Variants in EXPH5 observed in about 807,000 individuals in gnomAD.
EXPH5 encodes exophilin-5.
Under a neutral mutation model 41.1 loss-of-function variants are expected in EXPH5, and 42 were observed. That is an observed-to-expected ratio of 1.02 (90% CI 0.80 to 1.32). The LOEUF (loss-of-function observed/expected upper bound fraction) is 1.32, where lower values mean the gene tolerates loss of function less well. EXPH5 is among the 40% of genes most tolerant of loss of function. The probability of loss-of-function intolerance (pLI) is 0.00; values close to 1 mark genes in which losing one functional copy is unlikely to be tolerated. For missense variants in EXPH5, 2,298 were observed against 2,314.5 expected (o/e 0.99, Z 0.15); for synonymous variants, 798 against 833.5 (o/e 0.96, Z 0.73).
At chr11:108,520,332 A>G (rs1264242202) in intron 4 of EXPH5, among the ~76,000 whole-genome samples, 1 of 152,144 alleles carries the variant, frequency 6.6e-6, no homozygotes, top group Non-Finnish European at 1.5e-5. Flanking sequence ...GTTCTTTTCC[A>G]CGAAGTGGGT....
chr11:108,563,012 C>T (rs1234363349), intron 1 of EXPH5, among the ~76,000 whole-genome samples: 1 of 151,516 alleles, frequency 6.6e-6, no homozygotes, highest in African/African-American at 2.4e-5. Flanking sequence ...GGAGAACTTG[C>T]TTTGTGGGAT....
chr11:108,546,132 A>G (rs1288459844), intron 1 of EXPH5, among the ~76,000 whole-genome samples: 1 of 151,952 alleles, frequency 6.6e-6, no homozygotes, highest in Admixed American at 6.6e-5. Context: ...GAACAGAAAT[A>G]AGGCCTGTGT....
At chr11:108,563,070 C>T (rs1051001232) in intron 1 of EXPH5, among the ~76,000 whole-genome samples, 2 of 152,118 alleles carry the variant, frequency 1.3e-5, no homozygotes, top group Admixed American at 6.5e-5. Flanking sequence ...GGTTTAAGTC[C>T]CCTTACATGC....
chr11:108,520,828 C>A (rs2093760491), intron 4 of EXPH5, among the ~76,000 whole-genome samples: 1 of 152,196 alleles, frequency 6.6e-6, no homozygotes, highest in Non-Finnish European at 1.5e-5. Flanking sequence ...CTCAGCCCCC[C>A]AAAGTGCTGG....
At position 108,514,524 on chromosome 11, in the gene EXPH5, C is replaced by A. The variant is rs11212684; in HGVS notation, c.983G>T (p.Arg328Leu). The A allele has an allele frequency of 1.2e-6, 2 of 1,612,608 alleles. No homozygotes were observed. Among genetic ancestry groups the A allele is most frequent in the South Asian group, 1.1e-5 (1 of 90,736 alleles). ...STSLCFDSRQRSALPATGHFT... is the reference protein window; with the variant it reads ...STSLCFDSRQLSALPATGHFT... Reference sequence around the variant, plus strand: ...ATGCCCTGTGGCTGGTAAGGCCGACCGTTGCCTGCTGTCAAAACACAGCGA... The same window carrying A: ...ATGCCCTGTGGCTGGTAAGGCCGACAGTTGCCTGCTGTCAAAACACAGCGA... Residue 328 changes from arginine (R) to leucine (L), a missense_variant, in exon 6 of 6, where the codon CGG becomes CTG. Coordinates refer to ENST00000265843, the MANE Select transcript of EXPH5 (RefSeq NM_015065.3).
chr11:108,525,053 C>G (rs1398739756), intron 4 of EXPH5, among the ~76,000 whole-genome samples: 1 of 152,198 alleles, frequency 6.6e-6, no homozygotes, highest in African/African-American at 2.4e-5. Context: ...CTCATGAGAT[C>G]TGATGGTTTT....
intron 1 of EXPH5, among the ~76,000 whole-genome samples, chr11:108,553,424 G>A (rs1591730689): frequency 6.6e-6 from 1 of 152,176 alleles, no homozygotes; most frequent in East Asian, 1.9e-4. Context: ...TGTCCACCCT[G>A]AGGTCAGACT....
chr11:108,553,818 C>T (rs1477862864), intron 1 of EXPH5, among the ~76,000 whole-genome samples: 1 of 152,170 alleles, frequency 6.6e-6, no homozygotes, highest in African/African-American at 2.4e-5. Flanking sequence ...TGATCCTGTA[C>T]ACAAATTAAA....
intron 1 of EXPH5, among the ~76,000 whole-genome samples, chr11:108,582,216 C>T (rs929385772): frequency 6.6e-6 from 1 of 152,120 alleles, no homozygotes; most frequent in African/African-American, 2.4e-5. Context: ...GTAATCCCAG[C>T]ACTTTGGGAG....
At chr11:108,553,024 T>C (rs2093974371) in intron 1 of EXPH5, among the ~76,000 whole-genome samples, 1 of 152,022 alleles carries the variant, frequency 6.6e-6, no homozygotes, top group Middle Eastern at 3.2e-3. Context: ...GGTGAAAGCC[T>C]GTCTCTACAA....
chr11:108,567,466 C>T (rs569100720), intron 1 of EXPH5, among the ~76,000 whole-genome samples: 2 of 152,294 alleles, frequency 1.3e-5, no homozygotes, highest in East Asian at 3.9e-4. Flanking sequence ...CCATCTTTCT[C>T]TTCTCCAAAA....
rs375035573 is a variant in EXPH5 at position 108,513,070 on chromosome 11, T to G, written c.2437A>C (p.Ile813Leu). The G allele has an allele frequency of 3.1e-6, 5 of 1,612,194 alleles. No homozygotes were observed. The South Asian group carries it at 4.4e-5, about 14-fold the overall frequency. The change falls in exon 6 of 6, where the codon ATT becomes CTT. Residue 813 changes from isoleucine (I) to leucine (L), a missense_variant. By Grantham distance (5) the Ile-to-Leu change is conservative. Coordinates refer to ENST00000265843, the MANE Select transcript of EXPH5 (RefSeq NM_015065.3). ...KLGSTASLPF[I>L]QEHRTPPSFP... ...GATGGTGGTGTTCTGTGTTCCTGAA[T>G]GAAAGGAAGGGAAGCTGTTGAGCCA...
chr11:108,540,541 T>G (rs1158834975), intron 2 of EXPH5, among the ~76,000 whole-genome samples: 1 of 152,176 alleles, frequency 6.6e-6, no homozygotes, highest in African/African-American at 2.4e-5. Flanking sequence ...GAAGTATTTT[T>G]ACATGTTTCA....
At chr11:108,567,830 G>GGT (rs1390105093) in intron 1 of EXPH5, 1 of 152,078 alleles carries the variant, frequency 6.6e-6, no homozygotes, top group East Asian at 1.9e-4. Context: ...TAAACTCAGG[G>GGT]GTGTGTGTAC....
chr11:108,604,527 A>T, the EXPH5 span, among the ~76,000 whole-genome samples: 1 of 152,100 alleles, frequency 6.6e-6, no homozygotes, highest in African/African-American at 2.4e-5. Flanking sequence ...TTTTATGTGT[A>T]TTATTATTGC....
At chr11:108,535,847 T>C (rs2093876207) in intron 3 of EXPH5, among the ~76,000 whole-genome samples, 1 of 151,874 alleles carries the variant, frequency 6.6e-6, no homozygotes, top group Non-Finnish European at 1.5e-5. Context: ...TAACTGGGGG[T>C]CTGGAACAAG....
Position 108,513,173 on chromosome 11 carries a change from G to A in EXPH5, c.2334C>T (p.Thr778=), listed in dbSNP as rs2093695531. The part of the protein sequence containing the change: ...KSPRVFSRKD[T]SKMYIPHTDK... ...CTGTGTGCGGTATATACATTTTGGA[G>A]GTATCTTTCCTGGAAAAGACTCTGG... Residue 778 remains threonine (T), a synonymous_variant, in exon 6 of 6, where the codon ACC becomes ACT. Transcript: ENST00000265843. The A allele has an allele frequency of 6.2e-7, 1 of 1,613,790 alleles. No individual in the cohort carries two copies. The highest frequency in any genetic ancestry group is 1.3e-5 in the African/African-American group (1 of 74,848).
Position 108,550,376 on chromosome 11 carries a change from T to C in EXPH5, c.120-8564A>G, listed in dbSNP as rs565083271. ...CCATCCAGACCCAGCCAAGCTGTCA[T>C]AGTGGTGCCCAATGAGTGATCCCCG... On this transcript the variant is annotated intron_variant, in intron 1 of 5. Coordinates refer to ENST00000265843, the MANE Select transcript of EXPH5 (RefSeq NM_015065.3). Among the ~76,000 whole-genome samples the C allele has an allele frequency of 3.3e-5, 5 of 152,322 alleles. No homozygotes were observed. In the East Asian group the frequency reaches 9.6e-4, roughly 29 times the overall value.
the EXPH5 span, among the ~76,000 whole-genome samples, chr11:108,605,009 A>G: frequency 6.6e-6 from 1 of 152,188 alleles, no homozygotes; most frequent in Non-Finnish European, 1.5e-5. Flanking sequence ...GAGTAACAGA[A>G]GTAAGAGGTG....
Sources: gnomAD v4.1 joint callset for allele counts (sites outside exome capture counted in the v4.1 genomes callset) on GRCh38, gnomAD v4.1.1 for gene constraint, MANE v1.5 for transcripts, NCBI Gene and HGNC (gene_info 2026-07-23, HGNC 2026-07-21) for gene names.